The following RGS19 variants were observed in gnomAD, a reference collection of about 807,000 sequenced individuals.
RGS19 encodes the protein regulator of G protein signaling 19.
RGS19 carries 9 observed loss-of-function variants against 22.0 expected under a neutral mutation model. The ratio of observed to expected loss-of-function variants is 0.41; its 90% CI spans 0.25 to 0.71. The LOEUF (loss-of-function observed/expected upper bound fraction) is 0.71, where lower values mean the gene tolerates loss of function less well. Among genes scored for constraint, RGS19 ranks in the 30% least tolerant of loss-of-function variants. RGS19 has a pLI of 0.32. For synonymous variants in RGS19, 130 were observed against 127.3 expected, an observed-to-expected ratio of 1.02 and a Z score of -0.14; for missense variants, 256 against 307.1, an observed-to-expected ratio of 0.83 and a Z score of 1.24.
intron 1 of RGS19, among the ~76,000 whole-genome samples, chr20:64,077,321 C>T (rs1033430971): frequency 1.3e-5 from 2 of 152,130 alleles, no homozygotes; most frequent in African/African-American, 4.8e-5. Flanking sequence ...TCTGGGGCTA[C>T]CAACTGGTGC....
Position 64,073,728 on chromosome 20 carries a change from C to T in RGS19, c.*125G>A, listed in dbSNP as rs915182039. 1.1e-5 allele frequency: 9 copies of T among 821,174 alleles called. No homozygotes were observed. The highest frequency in any genetic ancestry group is 5.3e-5 in the East Asian group (2 of 37,562). The allele number at this position is 821,174 out of a possible 1,614,324, so 50.9% of individuals were successfully genotyped here. On this transcript the variant is annotated 3_prime_UTR_variant, in exon 6 of 6. Transcript: ENST00000395042. ...CAGCACTCCCCACTGGGTCTAGGAC[C>T]GTCTCCGCGGGTGGGGACCCCAGCC...
chr20:64,076,724 G>A, intron 2 of RGS19, 78 bp from the exon 3 acceptor site: 2 of 1,521,688 alleles, frequency 1.3e-6, no homozygotes, highest in Non-Finnish European at 1.8e-6. Context: ...CTTCCCATGG[G>A]TAGCCCTGTT....
rs997525770 is a variant in RGS19, at chr20:64,075,575, C to T, written c.152+950G>A. Among the ~76,000 whole-genome samples the T allele has an allele frequency of 1.6e-4, 25 of 152,030 alleles. No homozygotes were observed. Among genetic ancestry groups the T allele is most frequent in the African/African-American group, 4.8e-4 (20 of 41,396 alleles). On this transcript the variant is annotated intron_variant, in intron 3 of 5. Coordinates refer to ENST00000395042, the MANE Select transcript of RGS19 (RefSeq NM_005873.3). This position sits in a 1 kb window ranked among gnomAD's most constrained non-coding sequence, Gnocchi z 4.6. ...GCTGACGCCACCTTGGATCCAGAAG[C>T]GCTGTCCTCTCATCAGCCAGGGCCT...
intron 1 of RGS19, among the ~76,000 whole-genome samples, chr20:64,078,988 A>C (rs2059934670): frequency 6.6e-6 from 1 of 152,156 alleles, no homozygotes; most frequent in South Asian, 2.1e-4. Context: ...AAAATGTGAC[A>C]ATCCCAGAAA....
chr20:64,076,699 C>G, intron 2 of RGS19, 53 bp from the exon 3 acceptor site: 1 of 1,538,686 alleles, frequency 6.5e-7, no homozygotes, highest in Non-Finnish European at 8.9e-7. Context: ...ACCAGACTCT[C>G]CACCTCTCCC....
chr20:64,076,427 G>A (rs529784335), intron 3 of RGS19, 98 bp downstream of exon 3: 47 of 1,551,710 alleles, frequency 3.0e-5, no homozygotes, highest in South Asian at 1.1e-4. Context: ...TCCTGCCTGC[G>A]GGGATGCCTC....
At chr20:64,078,430 G>C (rs1190826587) in intron 1 of RGS19, among the ~76,000 whole-genome samples, 2 of 152,106 alleles carry the variant, frequency 1.3e-5, no homozygotes, top group Non-Finnish European at 2.9e-5. Flanking sequence ...ACCCAGACGG[G>C]GCTGTCTGTG....
chr20:64,074,226 T>C lies in RGS19; in HGVS notation c.380A>G (p.Lys127Arg), dbSNP rs1314786193. 6.2e-7 allele frequency: 1 copy of C among 1,613,868 alleles called. No homozygotes were observed. Among genetic ancestry groups the C allele is most frequent in the African/African-American group, 1.3e-5 (1 of 74,924 alleles). Residue 127 changes from lysine (K) to arginine (R), a missense_variant, in exon 5 of 6, where the codon AAG becomes AGG. Transcript: ENST00000395042. Reference sequence around the variant, plus strand: ...TACCACATGCTGGTTGGCCTCGGCCTTCAGCTCCTCGCAGGCCAACCAGAA... The same window carrying C: ...TACCACATGCTGGTTGGCCTCGGCCCTCAGCTCCTCGCAGGCCAACCAGAA... The part of the protein sequence containing the change: ...MLFWLACEEL[K>R]AEANQHVVDE...
At chr20:64,078,272 C>T (rs1410829886) in intron 1 of RGS19, among the ~76,000 whole-genome samples, 1 of 152,276 alleles carries the variant, frequency 6.6e-6, no homozygotes, top group Non-Finnish European at 1.5e-5. Flanking sequence ...CCCTCACCAC[C>T]GGCCCAGTTT....
At position 64,074,739 on chromosome 20, in the gene RGS19, T is replaced by C. The variant is rs373267826; in HGVS notation, c.153-198A>G. 3.5e-3 allele frequency among the ~76,000 whole-genome samples: 535 copies of C among 152,084 alleles called. 17 individuals are homozygous for C. The South Asian group carries it at 0.067, about 19-fold the overall frequency. ...TGGCTCTTCCCACACTCTCCCACAC[T>C]CCCAAATTCCCCACAGAATCTGCAG... On this transcript the variant is annotated intron_variant, in intron 3 of 5. Transcript: ENST00000395042.
At position 64,073,707 on chromosome 20, in the gene RGS19, A is replaced by G; in HGVS notation, c.*146T>C. 1 of 680,026 alleles carries G rather than the reference A, an allele frequency of 1.5e-6. No homozygotes were observed. The highest frequency in any genetic ancestry group is 2.4e-6 in the Non-Finnish European group (1 of 417,686). The allele number at this position is 680,026 out of a possible 1,614,324, so 42.1% of individuals were successfully genotyped here. ...GGTGGGCAGACCCAGGAGACACAGC[A>G]CTCCCCACTGGGTCTAGGACCGTCT... On this transcript the variant is annotated 3_prime_UTR_variant, in exon 6 of 6. Coordinates refer to ENST00000395042, the MANE Select transcript of RGS19 (RefSeq NM_005873.3).
chr20:64,074,586 CCACGGCCA>C (rs772144302), intron 3 of RGS19, 45 bp from the exon 4 acceptor site: 1 of 1,514,778 alleles, frequency 6.6e-7, no homozygotes, highest in South Asian at 1.2e-5. Flanking sequence ...ACACACGCCT[CCACGGCCA>C]CACAGGCCCT....
Position 64,076,585 on chromosome 20 carries a change from G to A in RGS19, c.92C>T (p.Pro31Leu). ...PSMSSHDTAS[P>L]AAPSRNPCCL... ...GCAGGGGTTGCGGCTGGGGGCCGCT[G>A]GAGAGGCTGTATCATGACTGGACAT... Residue 31 changes from proline to leucine, a missense_variant, in exon 3 of 6, where the codon CCA (proline) becomes CTA (leucine). Coordinates refer to ENST00000395042, the MANE Select transcript of RGS19 (RefSeq NM_005873.3). 6.2e-7 allele frequency: 1 copy of A among 1,612,496 alleles called. No homozygotes were observed. Among genetic ancestry groups the A allele is most frequent in the Non-Finnish European group, 8.5e-7 (1 of 1,179,716 alleles).
In RGS19 at chr20:64,073,574, C is replaced by T. The variant is rs893458072; in HGVS notation, c.*279G>A. ...GACCCCTACTCTCACCACGCAAGAG[C>T]CCCCAGCCAGGAGCACTGGGCCAGC... On this transcript the variant is annotated 3_prime_UTR_variant, in exon 6 of 6. Coordinates refer to ENST00000395042, the MANE Select transcript of RGS19 (RefSeq NM_005873.3). 3 of 416,250 alleles carry T rather than the reference C, an allele frequency of 7.2e-6. No homozygotes were observed. The Middle Eastern group carries it at 1.9e-3, about 263-fold the overall frequency. 25.8% of individuals were successfully genotyped at this position (416,250 alleles called of 1,614,324 possible).
At chr20:64,076,235 A>G (rs922424532) in intron 3 of RGS19, among the ~76,000 whole-genome samples, 18 of 152,400 alleles carry the variant, frequency 1.2e-4, no homozygotes, top group African/African-American at 4.1e-4. Context: ...GCTGGCTCAC[A>G]GCAGCATGGA....
At chr20:64,077,095 C>G in intron 1 of RGS19, 141 bp from the exon 2 acceptor site, 1 of 462,592 alleles carries the variant, frequency 2.2e-6, no homozygotes, top group Non-Finnish European at 3.8e-6. Flanking sequence ...GCTTCTACCC[C>G]GACCCCAAGC....
Position 64,079,106 on chromosome 20 carries a change from G to T in RGS19, c.-69+188C>A, listed in dbSNP as rs2059936199. ...GCCACCCTCCACATCTGGCTGGTGG[G>T]CGAGCCCTGGCCTGGCCCCTCCAGG... On this transcript the variant is annotated intron_variant, in intron 1 of 5. Transcript: ENST00000395042. The surrounding 1 kb of genome is among the most constrained non-coding windows in gnomAD (Gnocchi z 5.1). Among the ~76,000 whole-genome samples, 1 of 152,052 alleles carries T rather than the reference G, an allele frequency of 6.6e-6. No homozygotes were observed. The highest frequency in any genetic ancestry group is 2.4e-5 in the African/African-American group (1 of 41,416).
At chr20:64,076,699 C>T in intron 2 of RGS19, 53 bp from the exon 3 acceptor site, 1 of 1,538,686 alleles carries the variant, frequency 6.5e-7, no homozygotes, top group East Asian at 2.3e-5. Context: ...ACCAGACTCT[C>T]CACCTCTCCC....
rs1569259922 is a variant in RGS19, at chr20:64,073,676, G to A, written c.*177C>T. ...GCCCTGCACCTGGAGTTCCTGCTTGGCCACGGGTGGGCAGACCCAGGAGAC... is the reference window on the plus strand; with the variant it reads ...GCCCTGCACCTGGAGTTCCTGCTTGACCACGGGTGGGCAGACCCAGGAGAC... On this transcript the variant is annotated 3_prime_UTR_variant, in exon 6 of 6. Coordinates refer to ENST00000395042, the MANE Select transcript of RGS19 (RefSeq NM_005873.3). 1.7e-6 allele frequency: 1 copy of A among 589,158 alleles called. No individual in the cohort carries two copies. The highest frequency in any genetic ancestry group is 2.9e-6 in the Non-Finnish European group (1 of 343,062). The allele number at this position is 589,158 out of a possible 1,614,324, so 36.5% of individuals were successfully genotyped here.
Sources: allele counts gnomAD v4.1 joint callset (sites outside exome capture counted in the v4.1 genomes callset), GRCh38; gene constraint gnomAD v4.1.1; non-coding constraint Gnocchi (gnomAD v3.1); transcripts MANE v1.5; gene names NCBI Gene and HGNC (gene_info 2026-07-23, HGNC 2026-07-21).